Variants in MDGA2 observed in about 807,000 individuals in gnomAD.
The protein encoded by MDGA2 is MAM domain containing glycosylphosphatidylinositol anchor 2.
In MDGA2, 40 loss-of-function variants were observed where a neutral mutation model predicts 117.8. The observed-to-expected ratio is 0.34, with a 90% CI of 0.26 to 0.44. MDGA2 has a LOEUF of 0.44. Among genes scored for constraint, MDGA2 ranks in the 20% least tolerant of loss-of-function variants. MDGA2 has a pLI of 1.00. For missense variants in MDGA2, 1,123 were observed against 1,250.6 expected, an observed-to-expected ratio of 0.90 and a Z score of 1.54; for synonymous variants, 452 against 439.0, an observed-to-expected ratio of 1.03 and a Z score of -0.37.
chr14:47,070,290 C>T (rs1335581948), intron 6 of MDGA2, among the ~76,000 whole-genome samples: 1 of 152,006 alleles, frequency 6.6e-6, no homozygotes, highest in Non-Finnish European at 1.5e-5. Flanking sequence ...GGCCCCTGGT[C>T]CTCATTTTCA....
chr14:47,250,385 T>C (rs1887405531), intron 2 of MDGA2, among the ~76,000 whole-genome samples: 2 of 152,228 alleles, frequency 1.3e-5, no homozygotes, highest in African/African-American at 4.8e-5. Flanking sequence ...ACTTACTTAT[T>C]TATAATTTAA....
At chr14:46,959,251 A>ATATG (rs1375516744) in intron 8 of MDGA2, among the ~76,000 whole-genome samples, 1 of 140,132 alleles carries the variant, frequency 7.1e-6, no homozygotes, top group African/African-American at 2.6e-5. Context: ...AATGCTATAT[A>ATATG]TGTGTGTGTG....
chr14:46,992,805 A>C (rs1357777739), intron 8 of MDGA2, among the ~76,000 whole-genome samples: 2 of 152,168 alleles, frequency 1.3e-5, no homozygotes, highest in African/African-American at 4.8e-5. Context: ...GTGCTACAAA[A>C]TGAATTGTGA....
intron 2 of MDGA2, among the ~76,000 whole-genome samples, chr14:47,259,649 T>C (rs368841131): frequency 2.6e-5 from 4 of 152,084 alleles, no homozygotes; most frequent in African/African-American, 9.7e-5. Context: ...TGTAGCACTA[T>C]ACTAGATGTG....
intron 1 of MDGA2, among the ~76,000 whole-genome samples, chr14:47,512,656 G>C (rs1256937240): frequency 6.6e-6 from 1 of 152,142 alleles, no homozygotes; most frequent in East Asian, 1.9e-4. Flanking sequence ...ACAGTTCAAT[G>C]ATTTTCTTAG....
intron 1 of MDGA2, among the ~76,000 whole-genome samples, chr14:47,335,524 G>C (rs1373059412): frequency 6.6e-6 from 1 of 151,272 alleles, no homozygotes; most frequent in Non-Finnish European, 1.5e-5. Flanking sequence ...TGAGGGGACA[G>C]TCATGGCAAA....
intron 1 of MDGA2, among the ~76,000 whole-genome samples, chr14:47,309,587 A>G (rs535708200): frequency 4.5e-4 from 69 of 152,182 alleles, no homozygotes; most frequent in African/African-American, 1.6e-3. Flanking sequence ...ACAAAGCCCA[A>G]AGTAAGGCAA....
intron 3 of MDGA2, among the ~76,000 whole-genome samples, chr14:47,182,416 A>C (rs931086464): frequency 6.6e-6 from 1 of 152,240 alleles, no homozygotes; most frequent in Non-Finnish European, 1.5e-5. Flanking sequence ...GTGGGGTCTT[A>C]ATCCAATAGG....
chr14:47,120,878 C>T (rs1881615839), intron 5 of MDGA2, among the ~76,000 whole-genome samples: 1 of 152,136 alleles, frequency 6.6e-6, no homozygotes, highest in African/African-American at 2.4e-5. Flanking sequence ...TCCACGTAAA[C>T]CAATGTGGAT....
intron 4 of MDGA2, among the ~76,000 whole-genome samples, chr14:47,133,652 T>G (rs1321484686): frequency 6.6e-6 from 1 of 152,022 alleles, no homozygotes; most frequent in African/African-American, 2.4e-5. Flanking sequence ...TTTGTCAATA[T>G]GTCCATTCTG....
At chr14:47,623,353 GAACT>G (rs1897083660) in intron 1 of MDGA2, among the ~76,000 whole-genome samples, 1 of 152,118 alleles carries the variant, frequency 6.6e-6, no homozygotes, top group Admixed American at 6.6e-5. Context: ...AACAAAAACT[GAACT>G]AAGACAGGAT....
At chr14:47,411,091 T>G (rs1892362831) in intron 1 of MDGA2, among the ~76,000 whole-genome samples, 1 of 152,064 alleles carries the variant, frequency 6.6e-6, no homozygotes. Flanking sequence ...TCACAGTTTA[T>G]GAGGGAGGAA....
intron 1 of MDGA2, among the ~76,000 whole-genome samples, chr14:47,497,468 G>A (rs1465041093): frequency 6.6e-6 from 1 of 152,100 alleles, no homozygotes; most frequent in East Asian, 1.9e-4. Flanking sequence ...ATGTTGGCCA[G>A]GCTGGTCTCG....
chr14:46,957,163 C>A (rs11157533), intron 9 of MDGA2, among the ~76,000 whole-genome samples: 17,925 of 152,126 alleles, frequency 0.12, 2,011 homozygotes, highest in African/African-American at 0.27. Flanking sequence ...ATTCAGATAA[C>A]CTTCTATGTA....
At chr14:46,994,231 C>T (rs909699004) in intron 8 of MDGA2, among the ~76,000 whole-genome samples, 1 of 152,154 alleles carries the variant, frequency 6.6e-6, no homozygotes, top group East Asian at 1.9e-4. Context: ...GCCTCACACT[C>T]GGAACCCTAC....
At chr14:47,202,816 T>G (rs972586325) in intron 3 of MDGA2, among the ~76,000 whole-genome samples, 1 of 149,326 alleles carries the variant, frequency 6.7e-6, no homozygotes, top group Admixed American at 6.6e-5. Flanking sequence ...GGTGCTCTAA[T>G]GACCTTAATG....
chr14:47,436,959 T>C (rs1163545761), intron 1 of MDGA2, among the ~76,000 whole-genome samples: 1 of 152,170 alleles, frequency 6.6e-6, no homozygotes, highest in African/African-American at 2.4e-5. Context: ...CACGTATACC[T>C]ACCACAGTAC....
chr14:46,884,411 C>T lies in MDGA2; in HGVS notation c.2239-2190G>A, dbSNP rs1043018702. ...CACATACACATGTACACATTATATG[C>T]ACAGGTACACACACATACACATATC... is the stretch of plus-strand genomic sequence containing the variant. On this transcript the variant is annotated intron_variant, in intron 10 of 16. Coordinates refer to ENST00000399232, the MANE Select transcript of MDGA2 (RefSeq NM_001113498.3). The surrounding 1 kb of genome is among the most constrained non-coding windows in gnomAD (Gnocchi z 4.1). Among the ~76,000 whole-genome samples the T allele has an allele frequency of 2.0e-5, 3 of 152,084 alleles. No homozygotes were observed. The highest frequency in any genetic ancestry group is 2.9e-5 in the Non-Finnish European group (2 of 67,990).
chr14:47,579,105 A>C (rs1288963957), intron 1 of MDGA2, among the ~76,000 whole-genome samples: 4 of 152,122 alleles, frequency 2.6e-5, no homozygotes, highest in Admixed American at 2.0e-4. Context: ...GAAAAGTTAC[A>C]ATTTGTAAAA....
Sources: gnomAD v4.1 joint callset for allele counts (sites outside exome capture counted in the v4.1 genomes callset) on GRCh38, gnomAD v4.1.1 for gene constraint, Gnocchi (gnomAD v3.1) non-coding constraint, MANE v1.5 for transcripts, NCBI Gene and HGNC (gene_info 2026-07-23, HGNC 2026-07-21) for gene names.